The following NOL4 variants were observed in gnomAD, a reference collection of about 807,000 sequenced individuals.
NOL4 encodes the protein cancer/testis antigen 125.
In NOL4, 17 loss-of-function variants were observed where a neutral mutation model predicts 75.9. The ratio of observed to expected loss-of-function variants is 0.22; its 90% CI spans 0.15 to 0.34. The LOEUF is 0.34. NOL4 is among the 10% of genes least tolerant of loss of function. The pLI is 1.00. For synonymous variants in NOL4, 292 were observed against 289.9 expected (o/e 1.01, Z -0.07); for missense variants, 614 against 793.5 (o/e 0.77, Z 2.72).
chr18:33,945,842 C>A, intron 8 of NOL4, among the ~76,000 whole-genome samples: 1 of 151,640 alleles, frequency 6.6e-6, no homozygotes, highest in East Asian at 1.9e-4. Flanking sequence ...CCATAGAAGT[C>A]ATCCAGTACA....
chr18:33,950,220 A>AT (rs566082010), intron 8 of NOL4, among the ~76,000 whole-genome samples: 2,203 of 150,978 alleles, frequency 0.015, 51 homozygotes, highest in African/African-American at 0.049. Flanking sequence ...ATCAAGTGTA[A>AT]TTTTTTTTTA....
At position 34,216,236 on chromosome 18, in the gene NOL4, G is replaced by A. The variant is rs574395394; in HGVS notation, c.264+6754C>T. 3.9e-5 allele frequency among the ~76,000 whole-genome samples: 6 copies of A among 152,262 alleles called. No homozygotes were observed. The South Asian group carries it at 1.0e-3, about 26-fold the overall frequency. On this transcript the variant is annotated intron_variant, in intron 1 of 10. Transcript: ENST00000261592. ...AAAATAATTTAATTTCAAGGATAAA[G>A]AAGTAAACAATTCATGAAATTTGGG...
At chr18:34,088,088 G>C (rs186250896) in intron 5 of NOL4, among the ~76,000 whole-genome samples, 167 of 151,298 alleles carry the variant, frequency 1.1e-3, no homozygotes, top group African/African-American at 4.0e-3. Context: ...AATTATTTGT[G>C]CTTAAAAAAG....
chr18:33,891,667 A>C (rs1437309648), intron 9 of NOL4, among the ~76,000 whole-genome samples: 1 of 152,210 alleles, frequency 6.6e-6, no homozygotes, highest in Non-Finnish European at 1.5e-5. Context: ...CGCTTGCAGA[A>C]GAGTTTCTTA....
chr18:33,939,686 G>T (rs1439347479), intron 9 of NOL4, among the ~76,000 whole-genome samples: 1 of 152,078 alleles, frequency 6.6e-6, no homozygotes, highest in Non-Finnish European at 1.5e-5. Context: ...GAGACAATGG[G>T]ATTTTCTAAA....
At chr18:33,887,230 C>T (rs1212378366) in intron 9 of NOL4, among the ~76,000 whole-genome samples, 2 of 148,964 alleles carry the variant, frequency 1.3e-5, no homozygotes, top group African/African-American at 4.9e-5. Context: ...AAATAAATCA[C>T]AGAAATCCCT....
chr18:34,141,015 C>T (rs943194039), intron 1 of NOL4, among the ~76,000 whole-genome samples: 1 of 152,038 alleles, frequency 6.6e-6, no homozygotes, highest in African/African-American at 2.4e-5. Context: ...GTGCAAAAAT[C>T]ACAAGCATTC....
At chr18:33,913,294 T>G (rs2066517469) in intron 9 of NOL4, among the ~76,000 whole-genome samples, 1 of 152,158 alleles carries the variant, frequency 6.6e-6, no homozygotes, top group Admixed American at 6.6e-5. Flanking sequence ...ACCAATACAT[T>G]ATCTGTCTCA....
chr18:34,079,248 T>C (rs2077886538), intron 5 of NOL4, among the ~76,000 whole-genome samples: 1 of 151,878 alleles, frequency 6.6e-6, no homozygotes, highest in Admixed American at 6.6e-5. Flanking sequence ...CAACGAAGAG[T>C]AACTTTCGCA....
At chr18:34,185,149 T>C (rs2034357089) in intron 1 of NOL4, among the ~76,000 whole-genome samples, 1 of 152,174 alleles carries the variant, frequency 6.6e-6, no homozygotes, top group African/African-American at 2.4e-5. Context: ...GGTCAACCAC[T>C]AAAGCAATGT....
At chr18:33,885,461 CAA>C (rs1354616102) in intron 9 of NOL4, among the ~76,000 whole-genome samples, 1 of 151,978 alleles carries the variant, frequency 6.6e-6, no homozygotes, top group Non-Finnish European at 1.5e-5. Flanking sequence ...ATAAAGAGCT[CAA>C]ACAACTAGGG....
At chr18:33,929,686 T>A (rs2067561386) in intron 9 of NOL4, among the ~76,000 whole-genome samples, 1 of 152,162 alleles carries the variant, frequency 6.6e-6, no homozygotes, top group Admixed American at 6.6e-5. Context: ...TCCTCACTTG[T>A]TTTGTAGCTT....
In NOL4 at chr18:34,123,042, T is replaced by C. The variant is rs372081617; in HGVS notation, c.414+6829A>G. Among the ~76,000 whole-genome samples, 18 of 151,858 alleles carry C rather than the reference T, an allele frequency of 1.2e-4. 1 individual carries two copies. The highest frequency in any genetic ancestry group is 7.7e-4 in the East Asian group (4 of 5,184). On this transcript the variant is annotated intron_variant, in intron 2 of 10. Transcript: ENST00000261592. ...TCAAAGAATATTCACTGGGATATTA[T>C]AATTTAATATAAAAATTATTGATGA...
chr18:34,079,198 G>A (rs2145367792), intron 5 of NOL4, among the ~76,000 whole-genome samples: 1 of 152,016 alleles, frequency 6.6e-6, no homozygotes, highest in East Asian at 1.9e-4. Flanking sequence ...GTGTGGGTTG[G>A]CAGAAAAAGG....
chr18:34,121,146 T>G (rs914356855), intron 2 of NOL4: 1 of 152,288 alleles, frequency 6.6e-6, no homozygotes, highest in South Asian at 2.1e-4. Context: ...TTCCTAAATA[T>G]TGCATTAAAT....
chr18:34,132,743 A>AAAAAAAAAAAGT (rs2080712672), intron 1 of NOL4, among the ~76,000 whole-genome samples: 2 of 152,024 alleles, frequency 1.3e-5, no homozygotes, highest in East Asian at 3.9e-4. Context: ...ACGCAAAAAA[A>AAAAAAAAAAAGT]AAAAAAAAGT....
chr18:33,969,345 A>C (rs2070862037), intron 6 of NOL4, among the ~76,000 whole-genome samples: 1 of 152,086 alleles, frequency 6.6e-6, no homozygotes, highest in Admixed American at 6.5e-5. Context: ...TATTCTTTAT[A>C]TTTCACTTTT....
At chr18:34,213,649 G>A (rs772208228) in intron 1 of NOL4, among the ~76,000 whole-genome samples, 10 of 152,082 alleles carry the variant, frequency 6.6e-5, no homozygotes, top group South Asian at 2.1e-4. Flanking sequence ...AAAATAATGC[G>A]TTTAGACCCC....
chr18:34,196,553 T>C (rs1486589301), intron 1 of NOL4, among the ~76,000 whole-genome samples: 1 of 152,146 alleles, frequency 6.6e-6, no homozygotes, highest in African/African-American at 2.4e-5. Flanking sequence ...TTTGATTAGA[T>C]GTTCACAGCA....
Sources: gnomAD v4.1 joint callset for allele counts (sites outside exome capture counted in the v4.1 genomes callset) on GRCh38, gnomAD v4.1.1 for gene constraint, MANE v1.5 for transcripts, NCBI Gene and HGNC (gene_info 2026-07-23, HGNC 2026-07-21) for gene names.